Variants in EMCN observed in about 807,000 individuals in gnomAD.
EMCN encodes endomucin, also known as MUC-14.
EMCN carries 37 observed loss-of-function variants against 38.4 expected under a neutral mutation model. That is an observed-to-expected ratio of 0.96 (90% CI 0.74 to 1.27). The LOEUF is 1.27. Ranked by LOEUF, EMCN falls within the 50% of genes most tolerant of loss-of-function variation. The probability of loss-of-function intolerance (pLI) is 0.00; values close to 1 mark genes in which losing one functional copy is unlikely to be tolerated. For synonymous variants in EMCN, 95 were observed against 100.8 expected, an observed-to-expected ratio of 0.94 and a Z score of 0.35; for missense variants, 318 against 302.8, an observed-to-expected ratio of 1.05 and a Z score of -0.37.
chr4:100,425,704 G>T (rs973451769), intron 5 of EMCN, among the ~76,000 whole-genome samples: 39 of 151,810 alleles, frequency 2.6e-4, no homozygotes, highest in African/African-American at 9.4e-4. Context: ...CTTATATTAT[G>T]ATTATTCCCC....
chr4:100,449,949 A>T (rs1273780092), intron 4 of EMCN, among the ~76,000 whole-genome samples: 2 of 151,998 alleles, frequency 1.3e-5, no homozygotes, highest in Non-Finnish European at 2.9e-5. Flanking sequence ...AAAAATGATA[A>T]AGTGTTTTTA....
chr4:100,458,560 T>C lies in EMCN; in HGVS notation c.376+6863A>G, dbSNP rs189995598. Among the ~76,000 whole-genome samples the C allele has an allele frequency of 1.4e-4, 21 of 152,268 alleles. 1 individual carries two copies. The East Asian group carries it at 1.9e-3, about 14-fold the overall frequency. ...AACTTTTGATAAATTTTTATAAGTT[T>C]TTATAACTTTTATAATTTTATAACT... On this transcript the variant is annotated intron_variant, in intron 4 of 11. Transcript: ENST00000296420.
Position 100,415,898 on chromosome 4 carries a change from C to G in EMCN, c.751G>C (p.Gly251Arg). The G allele has an allele frequency of 1.9e-6, 3 of 1,577,728 alleles. No individual in the cohort carries two copies. The highest frequency in any genetic ancestry group is 2.6e-6 in the Non-Finnish European group (3 of 1,163,102). Reference sequence around the variant, plus strand: ...CTAATCAACTTGTCTGGAAACTTACCAGACTCATGAGAAATTGTCTTAACG... The same window carrying G: ...CTAATCAACTTGTCTGGAAACTTACGAGACTCATGAGAAATTGTCTTAACG... ...LTVKTISHES[G>R]EHSAQGKTKN Residue 251 changes from glycine to arginine, a missense_variant and splice_region_variant, in exon 10 of 12, where the codon GGT (glycine) becomes CGT (arginine). Gly to Arg is a moderately radical substitution (Grantham distance 125). Coordinates refer to ENST00000296420, the MANE Select transcript of EMCN (RefSeq NM_016242.4).
intron 1 of EMCN, among the ~76,000 whole-genome samples, chr4:100,480,554 A>C (rs1049102057): frequency 6.7e-6 from 1 of 149,058 alleles, no homozygotes; most frequent in African/African-American, 2.4e-5. Context: ...ACATATATAC[A>C]TATACATATA....
At chr4:100,412,960 T>C (rs1384655411) in intron 10 of EMCN, among the ~76,000 whole-genome samples, 1 of 152,160 alleles carries the variant, frequency 6.6e-6, no homozygotes, top group Non-Finnish European at 1.5e-5. Context: ...CTGTGGCTCA[T>C]TGAGGCTTCT....
intron 11 of EMCN, among the ~76,000 whole-genome samples, chr4:100,404,370 G>A (rs1170877091): frequency 6.6e-6 from 1 of 152,110 alleles, no homozygotes; most frequent in Non-Finnish European, 1.5e-5. Context: ...TTATACGTGT[G>A]TGGCATTATT....
At chr4:100,429,789 T>C (rs1421611636) in intron 5 of EMCN, among the ~76,000 whole-genome samples, 1 of 152,192 alleles carries the variant, frequency 6.6e-6, no homozygotes, top group African/African-American at 2.4e-5. Context: ...CCATATGTGC[T>C]AATTTATTTT....
At chr4:100,408,028 C>G (rs1726443701) in intron 11 of EMCN, among the ~76,000 whole-genome samples, 1 of 152,094 alleles carries the variant, frequency 6.6e-6, no homozygotes, top group Non-Finnish European at 1.5e-5. Context: ...TTAATACTTC[C>G]AATGTGTTAT....
chr4:100,499,689 C>T (rs1285327612), intron 1 of EMCN, among the ~76,000 whole-genome samples: 2 of 152,278 alleles, frequency 1.3e-5, no homozygotes, highest in East Asian at 3.9e-4. Flanking sequence ...GGACCCCATG[C>T]AGAACAAGGA....
chr4:100,410,621 G>C (rs1167290091), intron 10 of EMCN, among the ~76,000 whole-genome samples: 3 of 152,128 alleles, frequency 2.0e-5, no homozygotes, highest in Non-Finnish European at 4.4e-5. Flanking sequence ...GCGGGGATGT[G>C]AGTTGGGAGA....
intron 1 of EMCN, among the ~76,000 whole-genome samples, chr4:100,498,016 G>GT (rs1721023979): frequency 6.6e-6 from 1 of 151,952 alleles, no homozygotes; most frequent in South Asian, 2.1e-4. Context: ...AACTATTGCT[G>GT]TTTTTTTCAA....
chr4:100,487,587 C>A (rs1189313376), intron 1 of EMCN, among the ~76,000 whole-genome samples: 1 of 152,188 alleles, frequency 6.6e-6, no homozygotes, highest in African/African-American at 2.4e-5. Flanking sequence ...AAGGGAGAGA[C>A]CAGATGGAGA....
intron 4 of EMCN, among the ~76,000 whole-genome samples, chr4:100,455,012 A>G (rs1727970401): frequency 6.6e-6 from 1 of 152,128 alleles, no homozygotes; most frequent in Non-Finnish European, 1.5e-5. Flanking sequence ...TATCTTTATA[A>G]ATAAAATGTT....
chr4:100,491,142 A>G (rs1034331761), intron 1 of EMCN, among the ~76,000 whole-genome samples: 1 of 152,138 alleles, frequency 6.6e-6, no homozygotes, highest in Non-Finnish European at 1.5e-5. Flanking sequence ...TTTGATGTAT[A>G]GGGCTTTTTA....
intron 1 of EMCN, among the ~76,000 whole-genome samples, chr4:100,502,217 T>C (rs1252057235): frequency 6.6e-6 from 1 of 152,182 alleles, no homozygotes; most frequent in African/African-American, 2.4e-5. Context: ...CCTAATTTCT[T>C]ATTATGCAAA....
At chr4:100,399,426 G>A (rs1726196904) in intron 11 of EMCN, among the ~76,000 whole-genome samples, 1 of 152,134 alleles carries the variant, frequency 6.6e-6, no homozygotes, top group Non-Finnish European at 1.5e-5. Context: ...GTGAAGGCAA[G>A]TTCTTTGATA....
chr4:100,459,446 G>C (rs1349811844), intron 4 of EMCN, among the ~76,000 whole-genome samples: 1 of 151,926 alleles, frequency 6.6e-6, no homozygotes, highest in Non-Finnish European at 1.5e-5. Context: ...TACTCTCTTA[G>C]TGATTTTCAA....
chr4:100,441,087 CAA>C (rs879847153), intron 5 of EMCN, among the ~76,000 whole-genome samples: 3 of 134,938 alleles, frequency 2.2e-5, no homozygotes, highest in Admixed American at 7.4e-5. Context: ...GACTCTGTCT[CAA>C]AAAAAAAAAA....
chr4:100,511,719 C>T (rs1244173864), intron 1 of EMCN, among the ~76,000 whole-genome samples: 1 of 152,032 alleles, frequency 6.6e-6, no homozygotes, highest in Non-Finnish European at 1.5e-5. Context: ...CAAAACTAAT[C>T]TTTACTTAGA....
Sources: allele counts gnomAD v4.1 joint callset (sites outside exome capture counted in the v4.1 genomes callset), GRCh38; gene constraint gnomAD v4.1.1; transcripts MANE v1.5; gene names NCBI Gene and HGNC (gene_info 2026-07-23, HGNC 2026-07-21).